Variants in AP3M1 observed in about 807,000 individuals in gnomAD.
AP3M1 encodes AP-3 complex subunit mu-1.
Under a neutral mutation model 42.6 loss-of-function variants are expected in AP3M1, and 29 were observed. That is an observed-to-expected ratio of 0.68 (90% CI 0.51 to 0.93). The LOEUF (loss-of-function observed/expected upper bound fraction) is 0.93, where lower values mean the gene tolerates loss of function less well. Among genes scored for constraint, AP3M1 ranks in the 40% least tolerant of loss-of-function variants. The pLI, the probability that AP3M1 is intolerant of heterozygous loss-of-function variation, is 0.00. For synonymous variants in AP3M1, 178 were observed against 175.3 expected (o/e 1.02, Z -0.12); for missense variants, 416 against 510.2 (o/e 0.82, Z 1.78).
Position 74,120,996 on chromosome 10 carries a change from C to G in AP3M1, c.*2814G>C, listed in dbSNP as rs6480718. ...GAGTAGAGTTGGGACATCACTTTTT[C>G]CCTGATTTTCTAGATCTGAAAGGGG... On this transcript the variant is annotated 3_prime_UTR_variant, in exon 9 of 9. Coordinates refer to ENST00000355264, the MANE Select transcript of AP3M1 (RefSeq NM_012095.6). 111,080 of 152,038 alleles carry G rather than the reference C, an allele frequency of 0.73. 41,305 individuals are homozygous for G. The highest frequency in any genetic ancestry group is 0.85 in the Middle Eastern group (250 of 294). 9.4% of individuals were successfully genotyped at this position (152,038 alleles called of 1,614,324 possible). A position where few individuals can be genotyped will look rare whatever the true frequency, so the allele number is the denominator to read the frequency against.
At chr10:74,139,910 T>C (rs1410118545) in intron 1 of AP3M1, among the ~76,000 whole-genome samples, 1 of 83,408 alleles carries the variant, frequency 1.2e-5, no homozygotes, top group Non-Finnish European at 2.6e-5. Context: ...TGAGACTCCA[T>C]CTCAAAAAAA....
intron 1 of AP3M1, chr10:74,150,340 T>A (rs936206281): frequency 1.3e-5 from 2 of 152,772 alleles, no homozygotes; most frequent in Non-Finnish European, 2.9e-5. Context: ...GTTACCTCTC[T>A]CCTGAAGAAC....
intron 1 of AP3M1, among the ~76,000 whole-genome samples, chr10:74,141,129 C>T (rs1458006126): frequency 6.6e-6 from 1 of 152,024 alleles, no homozygotes; most frequent in Non-Finnish European, 1.5e-5. Flanking sequence ...GACCCCTATC[C>T]GGAAAATATA....
chr10:74,130,500 G>T (rs999959756), intron 4 of AP3M1, among the ~76,000 whole-genome samples: 3 of 150,412 alleles, frequency 2.0e-5, no homozygotes, highest in African/African-American at 7.4e-5. Flanking sequence ...AGGCTGGAGC[G>T]TAGTGGTGCT....
At chr10:74,146,467 C>T (rs1169225071) in intron 1 of AP3M1, among the ~76,000 whole-genome samples, 2 of 152,004 alleles carry the variant, frequency 1.3e-5, no homozygotes, top group Non-Finnish European at 2.9e-5. Flanking sequence ...ATGGCCTGGT[C>T]TAGAGTCTTG....
chr10:74,137,922 A>C (rs1452572298), intron 2 of AP3M1, among the ~76,000 whole-genome samples, 185 bp downstream of exon 2: 1 of 152,216 alleles, frequency 6.6e-6, no homozygotes, highest in Non-Finnish European at 1.5e-5. Context: ...TACATATAAA[A>C]AATAGTGAAT....
At chr10:74,148,160 C>A (rs1303356749) in intron 1 of AP3M1, among the ~76,000 whole-genome samples, 1 of 151,962 alleles carries the variant, frequency 6.6e-6, no homozygotes, top group East Asian at 1.9e-4. Context: ...AAAATAAATG[C>A]AGCAGTTCAT....
At position 74,123,112 on chromosome 10, in the gene AP3M1, G is replaced by C. The variant is rs1199433920; in HGVS notation, c.*698C>G. 6.6e-6 allele frequency: 1 copy of C among 152,628 alleles called. No homozygotes were observed. Among genetic ancestry groups the C allele is most frequent in the Non-Finnish European group, 1.5e-5 (1 of 68,044 alleles). The allele number at this position is 152,628 out of a possible 1,614,324, so 9.5% of individuals were successfully genotyped here. On this transcript the variant is annotated 3_prime_UTR_variant, in exon 9 of 9. Transcript: ENST00000355264. ...TTTTACTGTGCTAACAGCTGAACCA[G>C]TGGCACAAAATTGAGATGGTATTTA...
intron 1 of AP3M1, among the ~76,000 whole-genome samples, 163 bp from the exon 2 acceptor site, chr10:74,138,545 T>C (rs1395780792): frequency 1.4e-5 from 2 of 138,886 alleles, no homozygotes; most frequent in East Asian, 4.2e-4. Flanking sequence ...ACTAAAACAA[T>C]CATTTCAAAA....
chr10:74,132,272 A>C (rs889246595), intron 4 of AP3M1, among the ~76,000 whole-genome samples: 1 of 152,060 alleles, frequency 6.6e-6, no homozygotes, highest in Admixed American at 6.5e-5. Context: ...TCCTGACCTC[A>C]AGTGATCTGC....
At chr10:74,147,560 C>A (rs75467340) in intron 1 of AP3M1, among the ~76,000 whole-genome samples, 9 of 152,136 alleles carry the variant, frequency 5.9e-5, no homozygotes, top group African/African-American at 2.2e-4. Context: ...AATTTTAATA[C>A]CACAGAATAT....
rs1172461845 is a variant in AP3M1, at chr10:74,138,117, T to A, written c.263A>T (p.Asp88Val). 6.2e-7 allele frequency: 1 copy of A among 1,613,428 alleles called. No individual in the cohort carries two copies. Among genetic ancestry groups the A allele is most frequent in the South Asian group, 1.1e-5 (1 of 90,970 alleles). ...FVIEFLHRVA[D>V]TFQDYFGECS... is the part of the protein sequence containing the mutation. ...TGATAGATAACCAACCTGAAAAGTG[T>A]CAGCAACTCGATGTAGGAACTCAAT... The change falls in exon 2 of 9, where the codon GAC (aspartate) becomes GTC (valine). Residue 88 changes from aspartate (D) to valine (V), a missense_variant. By Grantham distance (152) the Asp-to-Val change is radical. Coordinates refer to ENST00000355264, the MANE Select transcript of AP3M1 (RefSeq NM_012095.6).
chr10:74,133,174 C>T (rs900941515), intron 4 of AP3M1, among the ~76,000 whole-genome samples: 1 of 152,150 alleles, frequency 6.6e-6, no homozygotes, highest in Non-Finnish European at 1.5e-5. Flanking sequence ...ACGGGCAGAT[C>T]ACCTAAGTTC....
At position 74,129,966 on chromosome 10, in the gene AP3M1, C is replaced by G; in HGVS notation, c.610G>C (p.Gly204Arg). The change falls in exon 5 of 9, where the codon GGG (glycine) becomes CGG (arginine). Residue 204 changes from glycine to arginine, a missense_variant. By Grantham distance (125) the Gly-to-Arg change is moderately radical (BLOSUM62 -2). Coordinates refer to ENST00000355264, the MANE Select transcript of AP3M1 (RefSeq NM_012095.6). ...SGSTVFAEIQ[G>R]VIDACIKLSG... Reference sequence around the variant, plus strand: ...AGTTTAATGCAAGCATCAATGACCCCCTGAATTTCTGCAAAGACTGTAGAT... The same window carrying G: ...AGTTTAATGCAAGCATCAATGACCCGCTGAATTTCTGCAAAGACTGTAGAT... 1 of 1,611,990 alleles carries G rather than the reference C, an allele frequency of 6.2e-7. No homozygotes were observed. The highest frequency in any genetic ancestry group is 1.1e-5 in the South Asian group (1 of 90,984).
Position 74,138,073 on chromosome 10 carries a change from C to G in AP3M1, c.273+34G>C, listed in dbSNP as rs1180091581. 3 of 1,588,414 alleles carry G rather than the reference C, an allele frequency of 1.9e-6. No individual in the cohort carries two copies. In the African/African-American group the frequency reaches 4.1e-5, roughly 22 times the overall value. On this transcript the variant is annotated intron_variant, in intron 2 of 8. Coordinates refer to ENST00000355264, the MANE Select transcript of AP3M1 (RefSeq NM_012095.6). ...TGTCTCACCTTCAGCTAACTTGGGT[C>G]ATTTAACTTAGAAAGGTATGATAGA...
chr10:74,124,280 C>T, intron 8 of AP3M1, 100 bp downstream of exon 8: 1 of 1,433,984 alleles, frequency 7.0e-7, no homozygotes, highest in Non-Finnish European at 9.4e-7. Context: ...TGGGCTACTG[C>T]TCTTTCTAGA....
chr10:74,143,380 G>A (rs750851924), intron 1 of AP3M1, among the ~76,000 whole-genome samples: 1 of 152,122 alleles, frequency 6.6e-6, no homozygotes, highest in Non-Finnish European at 1.5e-5. Context: ...CTCCTCAGTA[G>A]CTGGGATTAC....
intron 3 of AP3M1, among the ~76,000 whole-genome samples, chr10:74,134,499 C>T (rs960151692): frequency 6.6e-6 from 1 of 152,218 alleles, no homozygotes; most frequent in East Asian, 1.9e-4. Context: ...TGTTTCAAAA[C>T]CTTCTGCCAA....
At chr10:74,138,438 C>G in intron 1 of AP3M1, 56 bp from the exon 2 acceptor site, 5 of 1,486,828 alleles carry the variant, frequency 3.4e-6, no homozygotes, top group Non-Finnish European at 4.6e-6. Context: ...ATTTAACATA[C>G]ACAAAAAGAT....
Sources: allele counts gnomAD v4.1 joint callset (sites outside exome capture counted in the v4.1 genomes callset), GRCh38; gene constraint gnomAD v4.1.1; transcripts MANE v1.5; gene names NCBI Gene and HGNC (gene_info 2026-07-23, HGNC 2026-07-21).